Variants in CNIH3 observed in about 807,000 individuals in gnomAD.
CNIH3 encodes the protein cornichon family AMPA receptor auxiliary protein 3.
CNIH3 carries 14 observed loss-of-function variants against 24.1 expected under a neutral mutation model. That is an observed-to-expected ratio of 0.58 (90% CI 0.38 to 0.91). CNIH3 has a LOEUF of 0.91. CNIH3 is among the 40% of genes least tolerant of loss of function. CNIH3 has a pLI of 0.00. For synonymous variants in CNIH3, 68 were observed against 73.8 expected, an observed-to-expected ratio of 0.92 and a Z score of 0.40; for missense variants, 178 against 196.8, an observed-to-expected ratio of 0.90 and a Z score of 0.57.
intron 3 of CNIH3, among the ~76,000 whole-genome samples, chr1:224,729,501 A>G (rs1489849590): frequency 2.0e-5 from 3 of 150,630 alleles, no homozygotes; most frequent in African/African-American, 7.3e-5. Flanking sequence ...AGAACAAAGT[A>G]TTCATGAGAG....
chr1:224,545,599 A>G (rs1679673271), intron 2 of CNIH3, among the ~76,000 whole-genome samples: 1 of 152,158 alleles, frequency 6.6e-6, no homozygotes, highest in South Asian at 2.1e-4. Context: ...CATAGGAAGG[A>G]TATAAAGGCA....
intron 1 of CNIH3, among the ~76,000 whole-genome samples, chr1:224,495,948 T>C (rs775806327): frequency 2.0e-5 from 3 of 152,134 alleles, no homozygotes; most frequent in East Asian, 1.9e-4. Context: ...GAAAAAGGCA[T>C]CTGTGAGCTA....
At chr1:224,537,685 AC>A (rs1351709559), downstream of CNIH3, 5 of 152,192 alleles carry the variant, frequency 3.3e-5, no homozygotes, top group Non-Finnish European at 7.3e-5. Flanking sequence ...ATTGATCGAG[AC>A]CTGTCTCAGA....
rs192138584 is a variant in CNIH3 at position 224,640,351 on chromosome 1, A to G, written c.81+23096A>G. 4.6e-5 allele frequency among the ~76,000 whole-genome samples: 7 copies of G among 152,316 alleles called. No individual in the cohort carries two copies. In the East Asian group the frequency reaches 1.3e-3, roughly 29 times the overall value. On this transcript the variant is annotated intron_variant, in intron 1 of 5. Coordinates refer to ENST00000272133, the MANE Select transcript of CNIH3 (RefSeq NM_152495.2). ...CAGCCCCTTTCAGCTCTTGTGCTGT[A>G]GAGACGCTGTGACTCCCTCTTCATT...
Position 224,684,711 on chromosome 1 carries a change from T to G in CNIH3, c.151-85T>G. 1 of 1,233,362 alleles carries G rather than the reference T, an allele frequency of 8.1e-7. No homozygotes were observed. Among genetic ancestry groups the G allele is most frequent in the Non-Finnish European group, 1.2e-6 (1 of 834,362 alleles). The allele number at this position is 1,233,362 out of a possible 1,614,324, so 76.4% of individuals were successfully genotyped here. A position where few individuals can be genotyped will look rare whatever the true frequency, so the allele number is the denominator to read the frequency against. On this transcript the variant is annotated intron_variant, in intron 2 of 5. Coordinates refer to ENST00000272133, the MANE Select transcript of CNIH3 (RefSeq NM_152495.2). This position sits in a 1 kb window ranked among gnomAD's most constrained non-coding sequence, Gnocchi z 4.2. ...TCTCTGGTGGCTTCTGCCTCCACTA[T>G]TGGGGCTGATTGCGGGGCCTTCTCA...
intron 1 of CNIH3, chr1:224,454,344 G>A (rs905926836): frequency 1.0e-5 from 10 of 978,622 alleles, no homozygotes; most frequent in South Asian, 4.7e-5. Flanking sequence ...AGGAGGCTTG[G>A]TAAGGTTAAA....
chr1:224,614,150 G>A (rs1682830969), upstream of CNIH3, among the ~76,000 whole-genome samples: 1 of 152,100 alleles, frequency 6.6e-6, no homozygotes, highest in Non-Finnish European at 1.5e-5. Flanking sequence ...CAAGTACTGG[G>A]ATTACAGGCA....
chr1:224,598,927 G>A (rs1682097684), intron 3 of CNIH3, among the ~76,000 whole-genome samples: 1 of 152,088 alleles, frequency 6.6e-6, no homozygotes, highest in Non-Finnish European at 1.5e-5. Context: ...TATCTCCTAG[G>A]TGTACCTGTA....
chr1:224,681,271 G>A (rs1227372121), intron 2 of CNIH3, among the ~76,000 whole-genome samples: 2 of 152,118 alleles, frequency 1.3e-5, no homozygotes, highest in African/African-American at 4.8e-5. Flanking sequence ...ACTGTGCTGT[G>A]GCCCTTGAGT....
chr1:224,577,051 A>G (rs1213327125), intron 4 of CNIH3, among the ~76,000 whole-genome samples: 1 of 152,230 alleles, frequency 6.6e-6, no homozygotes, highest in Non-Finnish European at 1.5e-5. Context: ...CTTACCTTAT[A>G]TAAAAATCAA....
At chr1:224,454,480 C>A in intron 1 of CNIH3, 2 of 265,520 alleles carry the variant, frequency 7.5e-6, no homozygotes, top group East Asian at 1.8e-4. Flanking sequence ...GTCCCTGAAG[C>A]TTGGACTGAG....
chr1:224,671,495 T>G (rs1685863911), intron 1 of CNIH3, among the ~76,000 whole-genome samples: 1 of 152,192 alleles, frequency 6.6e-6, no homozygotes, highest in African/African-American at 2.4e-5. Context: ...TGAGACTGCA[T>G]GGCCCAATGG....
rs1683024010 is a variant in CNIH3 at position 224,616,826 on chromosome 1, G to T, written c.-349G>T. 3 of 1,110,998 alleles carry T rather than the reference G, an allele frequency of 2.7e-6. No individual in the cohort carries two copies. The highest frequency in any genetic ancestry group is 1.6e-5 in the African/African-American group (1 of 61,150). The allele number at this position is 1,110,998 out of a possible 1,614,324, so 68.8% of individuals were successfully genotyped here. A position where few individuals can be genotyped will look rare whatever the true frequency, so the allele number is the denominator to read the frequency against. ...TCCCTCGGTCCTCCGTGGAGTCGTC[G>T]CATCGCTTGTCGTGTTGGTCTCGAG... On this transcript the variant is annotated 5_prime_UTR_variant, in exon 1 of 6. Transcript: ENST00000272133.
intron 1 of CNIH3, among the ~76,000 whole-genome samples, chr1:224,487,280 TG>T (rs1164057702): frequency 1.3e-5 from 2 of 152,238 alleles, no homozygotes; most frequent in African/African-American, 4.8e-5. Context: ...TGAGTTTATT[TG>T]TAGACAGGTT....
At chr1:224,503,859 C>T (rs1436528810) in intron 1 of CNIH3, among the ~76,000 whole-genome samples, 1 of 152,264 alleles carries the variant, frequency 6.6e-6, no homozygotes, top group Non-Finnish European at 1.5e-5. Flanking sequence ...GTGCTGTAGG[C>T]CACAGCAACC....
rs139210744 is a variant in CNIH3, at chr1:224,666,886, G to A, written c.82-14072G>A. On this transcript the variant is annotated intron_variant, in intron 1 of 5. Transcript: ENST00000272133. Reference sequence around the variant, plus strand: ...AATGTTTGCATGGTTGTCATGTCACGTGCATGCGGTTGACATATGCCTGCT... The same window carrying A: ...AATGTTTGCATGGTTGTCATGTCACATGCATGCGGTTGACATATGCCTGCT... Among the ~76,000 whole-genome samples, 154 of 152,264 alleles carry A rather than the reference G, an allele frequency of 1.0e-3. 1 individual carries two copies. The Middle Eastern group carries it at 0.017, about 17-fold the overall frequency.
intron 1 of CNIH3, among the ~76,000 whole-genome samples, chr1:224,659,528 A>G (rs1210310581): frequency 7.2e-5 from 11 of 152,170 alleles, no homozygotes; most frequent in Non-Finnish European, 1.5e-5. Flanking sequence ...ACCTGATGGG[A>G]AAAGAGTACT....
At chr1:224,679,808 G>A (rs1000391815) in intron 1 of CNIH3, among the ~76,000 whole-genome samples, 2 of 152,168 alleles carry the variant, frequency 1.3e-5, no homozygotes, top group Non-Finnish European at 2.9e-5. Flanking sequence ...ATCTGGGGGC[G>A]GGAAGCTGGC....
intron 3 of CNIH3, among the ~76,000 whole-genome samples, chr1:224,555,695 C>T (rs192142864): frequency 2.6e-5 from 4 of 152,292 alleles, no homozygotes; most frequent in Admixed American, 6.5e-5. Context: ...GTTGGCATAA[C>T]GTTACTTTTG....
Sources: allele counts gnomAD v4.1 joint callset (sites outside exome capture counted in the v4.1 genomes callset), GRCh38; gene constraint gnomAD v4.1.1; non-coding constraint Gnocchi (gnomAD v3.1); transcripts MANE v1.5; gene names NCBI Gene and HGNC (gene_info 2026-07-23, HGNC 2026-07-21).